The following HSPA4L variants were observed in gnomAD, a reference collection of about 807,000 sequenced individuals.
HSPA4L encodes heat shock 70 kDa protein 4L.
In HSPA4L, 48 loss-of-function variants were observed where a neutral mutation model predicts 100.3. That is an observed-to-expected ratio of 0.48 (90% CI 0.38 to 0.61). HSPA4L has a LOEUF of 0.61. Ranked by LOEUF, HSPA4L falls within the 20% of genes least tolerant of loss-of-function variation. The pLI is 0.00. For synonymous variants in HSPA4L, 319 were observed against 328.2 expected (o/e 0.97, Z 0.30); for missense variants, 886 against 988.6 (o/e 0.90, Z 1.39).
Position 127,802,035 on chromosome 4 carries a change from C to G in HSPA4L, c.663+117C>G, listed in dbSNP as rs1169262709. Reference sequence around the variant, plus strand: ...TTAAACTATGACCTCAAGCAAGTTACTTAATCTCCCTAAATCTTCAGTTTG... The same window carrying G: ...TTAAACTATGACCTCAAGCAAGTTAGTTAATCTCCCTAAATCTTCAGTTTG... On this transcript the variant is annotated intron_variant, in intron 6 of 18. Coordinates refer to ENST00000296464, the MANE Select transcript of HSPA4L (RefSeq NM_014278.4). 16 of 661,368 alleles carry G rather than the reference C, an allele frequency of 2.4e-5. No individual in the cohort carries two copies. The Middle Eastern group carries it at 1.0e-3, about 42-fold the overall frequency. The allele number at this position is 661,368 out of a possible 1,614,324, so 41.0% of individuals were successfully genotyped here.
chr4:127,824,838 A>T (rs1733901550), intron 16 of HSPA4L, among the ~76,000 whole-genome samples: 2 of 152,218 alleles, frequency 1.3e-5, no homozygotes, highest in Admixed American at 1.3e-4. Flanking sequence ...ACCTTAAAAG[A>T]TTAAAAGTTT....
chr4:127,806,204 A>G (rs950545073), intron 10 of HSPA4L, among the ~76,000 whole-genome samples: 1 of 152,026 alleles, frequency 6.6e-6, no homozygotes, highest in African/African-American at 2.4e-5. Flanking sequence ...AGTGCAACTT[A>G]GCTTTTTTAA....
At chr4:127,799,451 G>A (rs182669063) in intron 4 of HSPA4L, among the ~76,000 whole-genome samples, 22 of 152,150 alleles carry the variant, frequency 1.4e-4, no homozygotes, top group Non-Finnish European at 2.8e-4. Context: ...CTATAAGGTA[G>A]GGATATTATT....
chr4:127,789,537 A>G (rs909921767), intron 1 of HSPA4L, among the ~76,000 whole-genome samples: 4 of 151,782 alleles, frequency 2.6e-5, no homozygotes, highest in Non-Finnish European at 4.4e-5. Flanking sequence ...AGTCCCAGCT[A>G]CTCGGGAGGC....
At chr4:127,783,179 G>T (rs2148771896) in intron 1 of HSPA4L, among the ~76,000 whole-genome samples, 1 of 110,404 alleles carries the variant, frequency 9.1e-6, no homozygotes, top group South Asian at 4.1e-4. Context: ...GGCCCCGAAA[G>T]CCTTTTTTTT....
In HSPA4L at chr4:127,782,377, C is replaced by G. The variant is rs146019265; in HGVS notation, c.-174C>G. On this transcript the variant is annotated 5_prime_UTR_variant, in exon 1 of 19. Transcript: ENST00000296464. Reference sequence around the variant, plus strand: ...GTGCAGGCTGCGGCGCTGACGGCCTCTGCTCCTTCCGCGGGTTTCCGACTC... The same window carrying G: ...GTGCAGGCTGCGGCGCTGACGGCCTGTGCTCCTTCCGCGGGTTTCCGACTC... 701 of 614,034 alleles carry G rather than the reference C, an allele frequency of 1.1e-3. 4 individuals are homozygous for G. The African/African-American group carries it at 0.012, about 10-fold the overall frequency. 38.0% of individuals were successfully genotyped at this position (614,034 alleles called of 1,614,324 possible). A position where few individuals can be genotyped will look rare whatever the true frequency, so the allele number is the denominator to read the frequency against.
chr4:127,803,008 C>T (rs1733236221), intron 6 of HSPA4L, among the ~76,000 whole-genome samples: 1 of 152,144 alleles, frequency 6.6e-6, no homozygotes, highest in South Asian at 2.1e-4. Flanking sequence ...CCTATGTTTT[C>T]AAGAACTGTA....
At chr4:127,800,394 G>C (rs576609693) in intron 4 of HSPA4L, among the ~76,000 whole-genome samples, 1 of 152,270 alleles carries the variant, frequency 6.6e-6, no homozygotes, top group African/African-American at 2.4e-5. Flanking sequence ...CTTGAGCCCA[G>C]GAGTTTAAAG....
intron 1 of HSPA4L, among the ~76,000 whole-genome samples, chr4:127,783,112 G>GAAAAGT (rs2148771854): frequency 6.6e-6 from 1 of 151,678 alleles, no homozygotes; most frequent in East Asian, 1.9e-4. Context: ...CTTTTTCTCA[G>GAAAAGT]AAAAGTAAAA....
chr4:127,818,464 A>G, intron 13 of HSPA4L, 44 bp downstream of exon 13: 1 of 1,201,776 alleles, frequency 8.3e-7, no homozygotes, highest in East Asian at 2.4e-5. Flanking sequence ...TGAAATTGAT[A>G]TTTTGAATTA....
intron 1 of HSPA4L, among the ~76,000 whole-genome samples, chr4:127,793,343 G>T: frequency 6.6e-6 from 1 of 151,648 alleles, no homozygotes; most frequent in African/African-American, 2.4e-5. Flanking sequence ...TTTTTCAATA[G>T]ACTATACATT....
intron 3 of HSPA4L, among the ~76,000 whole-genome samples, chr4:127,796,493 C>T (rs974406099): frequency 3.3e-5 from 5 of 151,874 alleles, no homozygotes; most frequent in Admixed American, 6.6e-5. Context: ...TTGAAACATA[C>T]GTACACATAA....
At chr4:127,787,770 TA>T (rs1269978412) in intron 1 of HSPA4L, among the ~76,000 whole-genome samples, 1 of 152,128 alleles carries the variant, frequency 6.6e-6, no homozygotes, top group Non-Finnish European at 1.5e-5. Flanking sequence ...TTGCTTTTTT[TA>T]AATCAAATTT....
At chr4:127,798,497 G>C in intron 3 of HSPA4L, 90 bp from the exon 4 acceptor site, 1 of 1,261,064 alleles carries the variant, frequency 7.9e-7, no homozygotes. Context: ...TTTTCCCATT[G>C]TATGTCTATC....
intron 16 of HSPA4L, among the ~76,000 whole-genome samples, chr4:127,825,815 A>G (rs1426844955): frequency 6.6e-6 from 1 of 151,648 alleles, no homozygotes; most frequent in African/African-American, 2.4e-5. Context: ...AATCCCAGCT[A>G]CTCAGGAGAC....
At chr4:127,813,541 ATAAC>A (rs1160170039) in intron 12 of HSPA4L, 6 of 199,052 alleles carry the variant, frequency 3.0e-5, no homozygotes, top group Admixed American at 2.2e-4. Flanking sequence ...ATAATCCACA[ATAAC>A]TAAGATATGT....
chr4:127,817,686 AATTT>A (rs1358071444), intron 12 of HSPA4L, among the ~76,000 whole-genome samples: 1 of 152,158 alleles, frequency 6.6e-6, no homozygotes, highest in Non-Finnish European at 1.5e-5. Context: ...AATTTTGATT[AATTT>A]ATATCAAAAC....
At chr4:127,801,966 A>G in intron 6 of HSPA4L, 48 bp downstream of exon 6, 1 of 1,465,710 alleles carries the variant, frequency 6.8e-7, no homozygotes, top group Non-Finnish European at 9.2e-7. Flanking sequence ...AAGAACACAG[A>G]CTAAAGAACC....
chr4:127,801,140 T>G lies in HSPA4L; in HGVS notation c.432T>G (p.Ile144Met). 1 of 1,606,366 alleles carries G rather than the reference T, an allele frequency of 6.2e-7. No homozygotes were observed. Among genetic ancestry groups the G allele is most frequent in the East Asian group, 2.2e-5 (1 of 44,796 alleles). ...TAACTGTTGTTTTTAAATACTAGAT[T>G]CCTAGCTTTTTTACTGATGCCGAGA... is the stretch of plus-strand genomic sequence containing the variant. ...KKPVADCVIS[I>M]PSFFTDAERR... The change falls in exon 5 of 19, where the codon ATT (isoleucine) becomes ATG (methionine). Residue 144 changes from isoleucine (I) to methionine (M), a missense_variant and splice_region_variant. By Grantham distance (10) the Ile-to-Met change is conservative. Transcript: ENST00000296464.
Sources: gnomAD v4.1 joint callset for allele counts (sites outside exome capture counted in the v4.1 genomes callset) on GRCh38, gnomAD v4.1.1 for gene constraint, MANE v1.5 for transcripts, NCBI Gene and HGNC (gene_info 2026-07-23, HGNC 2026-07-21) for gene names.